The following LRP12 variants were observed in gnomAD, a reference collection of about 807,000 sequenced individuals.
LRP12 encodes LDL receptor related protein 12.
In LRP12, 14 loss-of-function variants were observed where a neutral mutation model predicts 66.0. That is an observed-to-expected ratio of 0.21 (90% CI 0.14 to 0.33). LRP12 has a LOEUF of 0.33. Among genes scored for constraint, LRP12 ranks in the 10% least tolerant of loss-of-function variants. The pLI is 1.00. For missense variants in LRP12, 889 were observed against 1,053.4 expected, an observed-to-expected ratio of 0.84 and a Z score of 2.16; for synonymous variants, 357 against 359.1, an observed-to-expected ratio of 0.99 and a Z score of 0.07.
chr8:104,547,086 T>C (rs1386997981), intron 1 of LRP12, among the ~76,000 whole-genome samples: 1 of 145,006 alleles, frequency 6.9e-6, no homozygotes, highest in Non-Finnish European at 1.5e-5. Context: ...TACAATTCTA[T>C]ATCATAGTTT....
At chr8:104,505,399 CTTTTTTTTTT>C (rs57277820) in intron 3 of LRP12, 15 of 103,366 alleles carry the variant, frequency 1.5e-4, no homozygotes, top group African/African-American at 2.4e-4. Flanking sequence ...TCCTTCTTTC[CTTTTTTTTTT>C]TTTTTTTTTT....
At chr8:104,507,405 C>A (rs959260179) in intron 3 of LRP12, 3 of 152,094 alleles carry the variant, frequency 2.0e-5, no homozygotes, top group South Asian at 4.1e-4. Flanking sequence ...CTCATGAAAT[C>A]TCAAGGATGC....
intron 2 of LRP12, among the ~76,000 whole-genome samples, chr8:104,528,786 A>C (rs975394931): frequency 6.6e-5 from 10 of 152,028 alleles, no homozygotes; most frequent in Admixed American, 3.3e-4. Flanking sequence ...CTCAAAAAAA[A>C]AACAACAACA....
intron 1 of LRP12, among the ~76,000 whole-genome samples, chr8:104,548,379 TAA>T (rs1167704185): frequency 1.1e-5 from 1 of 94,102 alleles, no homozygotes; most frequent in South Asian, 2.8e-4. Context: ...ATATATTATA[TAA>T]ATATATAATA....
At chr8:104,588,266 C>T (rs1223491739) in intron 1 of LRP12, among the ~76,000 whole-genome samples, 5 of 152,122 alleles carry the variant, frequency 3.3e-5, no homozygotes, top group African/African-American at 1.2e-4. Flanking sequence ...CCTGCACGCC[C>T]GGATTCGGCA....
intron 2 of LRP12, among the ~76,000 whole-genome samples, chr8:104,512,608 T>TA (rs1454689903): frequency 1.3e-5 from 2 of 152,148 alleles, no homozygotes; most frequent in Admixed American, 1.3e-4. Context: ...GGGATTAATC[T>TA]AGGACAAAGA....
chr8:104,549,702 T>C (rs115510430), intron 1 of LRP12, among the ~76,000 whole-genome samples: 4,662 of 152,222 alleles, frequency 0.031, 237 homozygotes, highest in African/African-American at 0.11. Flanking sequence ...GAGCCCGGCC[T>C]CCACTTTTCT....
At chr8:104,521,137 T>C (rs1306525873) in intron 2 of LRP12, among the ~76,000 whole-genome samples, 1 of 151,970 alleles carries the variant, frequency 6.6e-6, no homozygotes, top group South Asian at 2.1e-4. Context: ...GATTTTTTTT[T>C]CTTCAAATTC....
At chr8:104,548,708 T>C (rs1588501669) in intron 1 of LRP12, among the ~76,000 whole-genome samples, 2 of 134,108 alleles carry the variant, frequency 1.5e-5, no homozygotes, top group African/African-American at 5.5e-5. Context: ...CCCAGTACTT[T>C]GGGAGGCAGG....
intron 2 of LRP12, among the ~76,000 whole-genome samples, chr8:104,522,620 G>A (rs1811169349): frequency 6.6e-6 from 1 of 152,072 alleles, no homozygotes; most frequent in Non-Finnish European, 1.5e-5. Context: ...GGAATATTTG[G>A]AAGTTGTATC....
chr8:104,565,058 C>T (rs1289840357), intron 1 of LRP12, among the ~76,000 whole-genome samples: 1 of 151,762 alleles, frequency 6.6e-6, no homozygotes, highest in Non-Finnish European at 1.5e-5. Flanking sequence ...CAAAAAAAAG[C>T]TAGGTACTTC....
intron 1 of LRP12, among the ~76,000 whole-genome samples, chr8:104,534,175 T>C (rs1456384460): frequency 6.6e-6 from 1 of 152,008 alleles, no homozygotes; most frequent in Non-Finnish European, 1.5e-5. Flanking sequence ...TGTACTAACT[T>C]GGATAGATAC....
At chr8:104,509,359 A>G (rs1810958892) in intron 2 of LRP12, among the ~76,000 whole-genome samples, 1 of 152,206 alleles carries the variant, frequency 6.6e-6, no homozygotes, top group Admixed American at 6.5e-5. Context: ...AAAATAGTAA[A>G]TGGAAAATTC....
In LRP12 at chr8:104,498,765, T is replaced by C. The variant is rs1264797721; in HGVS notation, c.475+552A>G. ...AATGACAAATTAGTACTGGCATGCT[T>C]ACTCAACAATTCAATTTGTTAAATA... On this transcript the variant is annotated intron_variant, in intron 4 of 6. Transcript: ENST00000276654. 3.9e-5 allele frequency among the ~76,000 whole-genome samples: 6 copies of C among 152,346 alleles called. No homozygotes were observed. The East Asian group carries it at 1.2e-3, about 29-fold the overall frequency.
rs1274400198 is a variant in LRP12 at position 104,489,844 on chromosome 8, T to C, written c.*829A>G. The C allele has an allele frequency of 6.6e-6, 1 of 152,604 alleles. No individual in the cohort carries two copies. The highest frequency in any genetic ancestry group is 1.5e-5 in the Non-Finnish European group (1 of 68,036). The allele number at this position is 152,604 out of a possible 1,614,324, so 9.5% of individuals were successfully genotyped here. The stretch of plus-strand genomic sequence containing the variant: ...GTCCAATGCAAGCGCAACCCTGTAT[T>C]AGGGAAAGACATTACCAGGTGGAAC... On this transcript the variant is annotated 3_prime_UTR_variant, in exon 7 of 7. Transcript: ENST00000276654.
chr8:104,535,735 C>T (rs2140866056), intron 1 of LRP12, among the ~76,000 whole-genome samples: 1 of 151,978 alleles, frequency 6.6e-6, no homozygotes, highest in South Asian at 2.1e-4. Flanking sequence ...CATTCAAATA[C>T]ACAGTCATTA....
intron 3 of LRP12, chr8:104,505,113 G>A (rs1418530714): frequency 6.6e-6 from 1 of 152,208 alleles, no homozygotes; most frequent in Admixed American, 6.5e-5. Context: ...AACCTCCTGG[G>A]CTCCGGTAAT....
chr8:104,519,489 C>G (rs1811117289), intron 2 of LRP12, among the ~76,000 whole-genome samples: 1 of 152,024 alleles, frequency 6.6e-6, no homozygotes, highest in South Asian at 2.1e-4. Context: ...CGCATACATA[C>G]TGGTTGAACA....
intron 1 of LRP12, among the ~76,000 whole-genome samples, chr8:104,538,230 C>T (rs758715914): frequency 1.3e-5 from 2 of 152,184 alleles, no homozygotes; most frequent in South Asian, 4.1e-4. Flanking sequence ...CAAATAGCTA[C>T]TATCGCATTT....
Sources: gnomAD v4.1 joint callset for allele counts (sites outside exome capture counted in the v4.1 genomes callset) on GRCh38, gnomAD v4.1.1 for gene constraint, MANE v1.5 for transcripts, NCBI Gene and HGNC (gene_info 2026-07-23, HGNC 2026-07-21) for gene names.